XKR6: variants seen among roughly 807,000 people sequenced by gnomAD.
XKR6 encodes XK-related protein 6.
In XKR6, 22 loss-of-function variants were observed where a neutral mutation model predicts 56.7. The ratio of observed to expected loss-of-function variants is 0.39; its 90% CI spans 0.28 to 0.55. The LOEUF (loss-of-function observed/expected upper bound fraction) is 0.55. Ranked by LOEUF, XKR6 falls within the 20% of genes least tolerant of loss-of-function variation. XKR6 has a pLI of 0.66. For missense variants in XKR6, 852 were observed against 889.0 expected (o/e 0.96, Z 0.53); for synonymous variants, 524 against 387.8 (o/e 1.35, Z -4.13).
intron 1 of XKR6, among the ~76,000 whole-genome samples, chr8:11,073,556 G>A (rs1013558781): frequency 1.3e-5 from 2 of 152,186 alleles, no homozygotes; most frequent in African/African-American, 4.8e-5. Context: ...GTCTTTCGCT[G>A]TAACATATGC....
At chr8:11,090,228 G>T (rs1397675340) in intron 1 of XKR6, among the ~76,000 whole-genome samples, 1 of 152,158 alleles carries the variant, frequency 6.6e-6, no homozygotes, top group Non-Finnish European at 1.5e-5. Context: ...GAGACTAGAG[G>T]TGTGCACCAA....
At chr8:11,065,135 C>G (rs1027451143) in intron 1 of XKR6, among the ~76,000 whole-genome samples, 3 of 152,182 alleles carry the variant, frequency 2.0e-5, no homozygotes, top group Non-Finnish European at 4.4e-5. Flanking sequence ...CTATAACTTT[C>G]TTTTAAAAGG....
chr8:11,091,777 C>A (rs1798081096), intron 1 of XKR6, among the ~76,000 whole-genome samples: 1 of 152,136 alleles, frequency 6.6e-6, no homozygotes, highest in Non-Finnish European at 1.5e-5. Context: ...AAACTGAAGC[C>A]CAGCTCTGGT....
At chr8:10,938,599 C>T (rs552962164) in intron 1 of XKR6, among the ~76,000 whole-genome samples, 41 of 152,306 alleles carry the variant, frequency 2.7e-4, no homozygotes, top group South Asian at 8.3e-4. Context: ...AAGTCTGTCT[C>T]GATAGTTATA....
intron 1 of XKR6, among the ~76,000 whole-genome samples, chr8:11,158,039 T>C (rs1250403080): frequency 6.6e-6 from 1 of 152,216 alleles, no homozygotes; most frequent in African/African-American, 2.4e-5. Flanking sequence ...GTGATTGGTA[T>C]CTATTTCTTG....
chr8:11,171,636 C>A (rs1802375149), intron 1 of XKR6, among the ~76,000 whole-genome samples: 1 of 152,182 alleles, frequency 6.6e-6, no homozygotes, highest in African/African-American at 2.4e-5. Flanking sequence ...ACACACAAGC[C>A]CTCTTAGCCT....
At chr8:11,136,883 G>A (rs1253666148) in intron 1 of XKR6, 2 of 152,116 alleles carry the variant, frequency 1.3e-5, no homozygotes, top group East Asian at 3.8e-4. Context: ...GTGGTTACAG[G>A]TTGCATCATT....
At chr8:11,185,357 A>G (rs1357708055) in intron 1 of XKR6, among the ~76,000 whole-genome samples, 2 of 152,218 alleles carry the variant, frequency 1.3e-5, no homozygotes, top group Non-Finnish European at 1.5e-5. Context: ...GAACAGAAAT[A>G]TGCCACAGAA....
At position 11,173,348 on chromosome 8, in the gene XKR6, A is replaced by T. The variant is rs1048857320; in HGVS notation, c.764+27228T>A. On this transcript the variant is annotated intron_variant, in intron 1 of 2. Coordinates refer to ENST00000416569, the MANE Select transcript of XKR6 (RefSeq NM_173683.4). ...AACAAAGCGAGACTCCGCCTTAAAA[A>T]AAATATATATATATATATACACACA... Among the ~76,000 whole-genome samples, 9 of 123,306 alleles carry T rather than the reference A, an allele frequency of 7.3e-5. 1 individual carries two copies. The South Asian group carries it at 1.4e-3, about 19-fold the overall frequency. The allele number at this position is 123,306 out of a possible 152,430, so 80.9% of individuals were successfully genotyped here. A position where few individuals can be genotyped will look rare whatever the true frequency, so the allele number is the denominator to read the frequency against.
At chr8:11,014,122 G>A (rs1449274723) in intron 1 of XKR6, among the ~76,000 whole-genome samples, 1 of 152,178 alleles carries the variant, frequency 6.6e-6, no homozygotes, top group Non-Finnish European at 1.5e-5. Flanking sequence ...TTTTTTAACA[G>A]CCAGTAAATA....
intron 1 of XKR6, among the ~76,000 whole-genome samples, chr8:11,151,335 G>A (rs548385015): frequency 6.6e-6 from 1 of 152,258 alleles, no homozygotes; most frequent in East Asian, 1.9e-4. Context: ...CATACACTGT[G>A]CATTTGCTAG....
intron 1 of XKR6, among the ~76,000 whole-genome samples, chr8:11,154,001 T>C (rs1801385130): frequency 6.6e-6 from 1 of 152,202 alleles, no homozygotes. Flanking sequence ...TAAAACTCAC[T>C]GCAATCCTTT....
chr8:10,909,684 A>G (rs1800291984), intron 2 of XKR6, among the ~76,000 whole-genome samples: 1 of 152,218 alleles, frequency 6.6e-6, no homozygotes, highest in Admixed American at 6.5e-5. Flanking sequence ...AAACACGGGA[A>G]AGGGAGTTCC....
chr8:10,930,182 G>A (rs1042213270), intron 1 of XKR6, among the ~76,000 whole-genome samples: 4 of 152,114 alleles, frequency 2.6e-5, no homozygotes, highest in African/African-American at 9.7e-5. Context: ...AGGGGCAGGG[G>A]GCTAAACATT....
At position 11,143,676 on chromosome 8, in the gene XKR6, A is replaced by G. The variant is rs557794386; in HGVS notation, c.764+56900T>C. Among the ~76,000 whole-genome samples the G allele has an allele frequency of 2.0e-5, 3 of 152,314 alleles. No homozygotes were observed. The East Asian group carries it at 5.8e-4, about 29-fold the overall frequency. ...AAAATCAGAAGAGTGGTTACTTTGG[A>G]GGAAGGGAAGGGATTGTGATTAGGA... On this transcript the variant is annotated intron_variant, in intron 1 of 2. Coordinates refer to ENST00000416569, the MANE Select transcript of XKR6 (RefSeq NM_173683.4).
intron 1 of XKR6, among the ~76,000 whole-genome samples, chr8:11,182,621 A>G (rs1803052521): frequency 6.6e-6 from 1 of 152,244 alleles, no homozygotes; most frequent in African/African-American, 2.4e-5. Context: ...AGGAAGAGAA[A>G]AAGATTTTGT....
chr8:11,014,698 G>A (rs1475984991), intron 1 of XKR6, among the ~76,000 whole-genome samples: 2 of 152,176 alleles, frequency 1.3e-5, no homozygotes, highest in African/African-American at 4.8e-5. Context: ...TTTGCCTCAT[G>A]GGTAGCAGCG....
intron 1 of XKR6, among the ~76,000 whole-genome samples, chr8:11,142,546 G>C (rs945577162): frequency 6.6e-6 from 1 of 152,110 alleles, no homozygotes; most frequent in Non-Finnish European, 1.5e-5. Context: ...GGTGATGAGT[G>C]AGTTATTGCT....
At chr8:11,072,473 A>T (rs570100107) in intron 1 of XKR6, among the ~76,000 whole-genome samples, 16 of 152,262 alleles carry the variant, frequency 1.1e-4, no homozygotes, top group African/African-American at 3.9e-4. Flanking sequence ...GCTCCTCTCA[A>T]CAACCACATT....
Sources: gnomAD v4.1 joint callset for allele counts (sites outside exome capture counted in the v4.1 genomes callset) on GRCh38, gnomAD v4.1.1 for gene constraint, MANE v1.5 for transcripts, NCBI Gene and HGNC (gene_info 2026-07-23, HGNC 2026-07-21) for gene names.